Variants in HAPSTR1 observed in about 807,000 individuals in gnomAD.
The protein encoded by HAPSTR1 is HUWE1 associated protein modifying stress responses.
chr16:9,121,192 G>T, the HAPSTR1 span: 1 of 152,230 alleles, frequency 6.6e-6, no homozygotes, highest in African/African-American at 2.4e-5. Context: ...GACCTTAAGT[G>T]ATCTGCCCGC....
the HAPSTR1 span, chr16:9,117,260 CTT>C: frequency 0.029 from 5,255 of 180,922 alleles, 124 homozygotes; most frequent in African/African-American, 0.08. Flanking sequence ...TTATAGAATG[CTT>C]TTTTTTTTTT....
At chr16:9,120,466 G>GTT in the HAPSTR1 span, 1 of 151,102 alleles carries the variant, frequency 6.6e-6, no homozygotes, top group Admixed American at 6.6e-5. Context: ...GATATCCAGG[G>GTT]TTTTACTTCC....
At chr16:9,092,549 CT>C in the HAPSTR1 span, among the ~76,000 whole-genome samples, 1 of 152,178 alleles carries the variant, frequency 6.6e-6, no homozygotes, top group African/African-American at 2.4e-5. Context: ...CGGTGTCCCC[CT>C]CGGCCCGGAG....
At chr16:9,102,885 G>A in the HAPSTR1 span, 8 of 1,243,308 alleles carry the variant, frequency 6.4e-6, no homozygotes, top group Non-Finnish European at 6.7e-6. Flanking sequence ...GCCACATCAT[G>A]GTATTCACTT....
the HAPSTR1 span, chr16:9,111,794 C>T: frequency 6.6e-6 from 1 of 151,992 alleles, no homozygotes; most frequent in South Asian, 2.1e-4. Context: ...ATCTTGTTAT[C>T]CCAGTATATA....
chr16:9,105,442 G>T, the HAPSTR1 span: 20 of 152,302 alleles, frequency 1.3e-4, no homozygotes, highest in African/African-American at 4.6e-4. Flanking sequence ...ATACTGAGTT[G>T]TGCTGTACTG....
the HAPSTR1 span, among the ~76,000 whole-genome samples, chr16:9,099,024 TC>T: frequency 2.6e-5 from 4 of 152,130 alleles, no homozygotes; most frequent in Non-Finnish European, 5.9e-5. Context: ...GATTTGGTCT[TC>T]AGAATCAATA....
chr16:9,105,752 T>G, the HAPSTR1 span: 3 of 152,360 alleles, frequency 2.0e-5, no homozygotes, highest in East Asian at 5.8e-4. Context: ...TTTTGGAGTT[T>G]TACATTGTGG....
chr16:9,111,650 A>G, the HAPSTR1 span: 1 of 152,304 alleles, frequency 6.6e-6, no homozygotes, highest in South Asian at 2.1e-4. Context: ...GCCATGTAGC[A>G]TGCCTCAAAG....
At chr16:9,092,364 C>T in the HAPSTR1 span, 2 of 1,123,958 alleles carry the variant, frequency 1.8e-6, no homozygotes, top group Non-Finnish European at 1.1e-6. Flanking sequence ...CGGGGGGCCG[C>T]GACGGCGGCG....
the HAPSTR1 span, among the ~76,000 whole-genome samples, chr16:9,095,161 C>T: frequency 1.3e-5 from 2 of 152,290 alleles, no homozygotes; most frequent in East Asian, 3.9e-4. Context: ...AAACACATCC[C>T]TTGCCTAATA....
At chr16:9,095,636 CAGGATTGAG>C in the HAPSTR1 span, among the ~76,000 whole-genome samples, 2 of 151,612 alleles carry the variant, frequency 1.3e-5, no homozygotes, top group Non-Finnish European at 2.9e-5. Context: ...TTAAGAAGGT[CAGGATTGAG>C]ATTAAAAACC....
At chr16:9,105,439 G>C in the HAPSTR1 span, 2 of 152,190 alleles carry the variant, frequency 1.3e-5, no homozygotes, top group African/African-American at 4.8e-5. Flanking sequence ...ATTATACTGA[G>C]TTGTGCTGTA....
At chr16:9,100,257 A>G in the HAPSTR1 span, among the ~76,000 whole-genome samples, 7 of 152,330 alleles carry the variant, frequency 4.6e-5, no homozygotes, top group East Asian at 1.2e-3. Flanking sequence ...ACAACTTGTT[A>G]CATAAGTGTC....
At chr16:9,111,716 A>G in the HAPSTR1 span, 16 of 152,256 alleles carry the variant, frequency 1.1e-4, no homozygotes, top group East Asian at 3.9e-4. Flanking sequence ...TTCAAGTTCA[A>G]TTTTCTCACT....
At chr16:9,098,216 C>T in the HAPSTR1 span, among the ~76,000 whole-genome samples, 1 of 152,176 alleles carries the variant, frequency 6.6e-6, no homozygotes, top group Non-Finnish European at 1.5e-5. Flanking sequence ...CCTGTAATCC[C>T]AGCTAACTCG....
At chr16:9,101,024 T>A in the HAPSTR1 span, among the ~76,000 whole-genome samples, 2 of 152,252 alleles carry the variant, frequency 1.3e-5, no homozygotes, top group Non-Finnish European at 2.9e-5. Flanking sequence ...AAAGCAATTC[T>A]TCTAGGTAGG....
At chr16:9,103,041 G>A in the HAPSTR1 span, 3,274 of 1,614,104 alleles carry the variant, frequency 2.0e-3, 13 homozygotes, top group Non-Finnish European at 2.5e-3. Flanking sequence ...GGCTATCAGC[G>A]ACGCAATAAG....
the HAPSTR1 span, chr16:9,091,901 A>T: frequency 1.4e-5 from 8 of 588,232 alleles, no homozygotes; most frequent in Admixed American, 4.5e-5. Flanking sequence ...GTCGGGGTGC[A>T]GGAGGCCTGG....
Sources: gnomAD v4.1 joint callset for allele counts (sites outside exome capture counted in the v4.1 genomes callset) on GRCh38, gnomAD v4.1.1 for gene constraint, MANE v1.5 for transcripts, NCBI Gene and HGNC (gene_info 2026-07-23, HGNC 2026-07-21) for gene names.